Variants in SHANK1 observed in about 807,000 individuals in gnomAD.
The protein encoded by SHANK1 is SH3 and multiple ankyrin repeat domains protein 1.
In SHANK1, 35 loss-of-function variants were observed where a neutral mutation model predicts 165.6. That is an observed-to-expected ratio of 0.21 (90% CI 0.16 to 0.28). The LOEUF (loss-of-function observed/expected upper bound fraction) is 0.28. SHANK1 is among the 10% of genes least tolerant of loss of function. SHANK1 has a pLI of 1.00. For synonymous variants in SHANK1, 1,428 were observed against 1,384.8 expected, an observed-to-expected ratio of 1.03 and a Z score of -0.69; for missense variants, 2,681 against 3,036.4, an observed-to-expected ratio of 0.88 and a Z score of 2.75.
chr19:50,668,093 G>A lies in SHANK1; in HGVS notation c.3867C>T (p.Asp1289=), dbSNP rs1341306743. ...AGGGCTCGGCGGAGAACATGCCCTC[G>A]TCGATGGATTTGGAGTGGCGCAGCC... ...GPRLRHSKSI[D]EGMFSAEPYL... The change falls in exon 23 of 24, where the codon GAC becomes GAT. Residue 1289 remains aspartate, a synonymous_variant. Coordinates refer to ENST00000293441, the MANE Select transcript of SHANK1 (RefSeq NM_016148.5). 2.7e-6 allele frequency: 4 copies of A among 1,480,864 alleles called. No individual in the cohort carries two copies. Among genetic ancestry groups the A allele is most frequent in the Non-Finnish European group, 3.6e-6 (4 of 1,121,104 alleles). 91.7% of individuals were successfully genotyped at this position (1,480,864 alleles called of 1,614,324 possible).
At chr19:50,665,576 A>C in intron 23 of SHANK1, among the ~76,000 whole-genome samples, 1 of 148,258 alleles carries the variant, frequency 6.7e-6, no homozygotes, top group Non-Finnish European at 1.5e-5. Context: ...CAAAAAAAAA[A>C]AAAAAAAAAA....
Position 50,718,184 on chromosome 19 carries a change from G to C in SHANK1, c.-44+1222C>G, listed in dbSNP as rs2089090539. Among the ~76,000 whole-genome samples, 1 of 152,144 alleles carries C rather than the reference G, an allele frequency of 6.6e-6. No homozygotes were observed. Among genetic ancestry groups the C allele is most frequent in the African/African-American group, 2.4e-5 (1 of 41,422 alleles). On this transcript the variant is annotated intron_variant, in intron 1 of 23. Transcript: ENST00000293441. This position sits in a 1 kb window ranked among gnomAD's most constrained non-coding sequence, Gnocchi z 5.1. Reference sequence around the variant, plus strand: ...TGTGGTGGGAGGAGAGTTCCAGGAGGTGTGGGCGAGCGAGCCTCTAACCCA... The same window carrying C: ...TGTGGTGGGAGGAGAGTTCCAGGAGCTGTGGGCGAGCGAGCCTCTAACCCA...
chr19:50,687,920 C>T lies in SHANK1; in HGVS notation c.2308+3G>A, dbSNP rs369256963. 2 of 1,613,940 alleles carry T rather than the reference C, an allele frequency of 1.2e-6. No homozygotes were observed. Among genetic ancestry groups the T allele is most frequent in the East Asian group, 2.2e-5 (1 of 44,868 alleles). The stretch of plus-strand genomic sequence containing the variant: ...GTGGCTGCGAGAGTGGCCGCAGGAG[C>T]ACCTTTCTTGTGCACTGCCTCATCC... On this transcript the variant is annotated splice_donor_region_variant and intron_variant, in intron 18 of 23. Transcript: ENST00000293441.
intron 21 of SHANK1, among the ~76,000 whole-genome samples, chr19:50,675,447 T>C (rs1182642415): frequency 6.6e-6 from 1 of 152,226 alleles, no homozygotes; most frequent in Admixed American, 6.6e-5. Context: ...GGGGTCTGTA[T>C]TACATGCCTC....
In SHANK1 at chr19:50,662,467, A is replaced by G. The variant is rs1599835003; in HGVS notation, c.5984T>C (p.Leu1995Pro). 1 of 1,551,652 alleles carries G rather than the reference A, an allele frequency of 6.4e-7. No homozygotes were observed. The highest frequency in any genetic ancestry group is 8.7e-7 in the Non-Finnish European group (1 of 1,148,548). Reference sequence around the variant, plus strand: ...CAGCGAGGGGCTGGGGGCCCGGCGGAGCAGAGGGGGCCGCATCTCGAACTC... The same window carrying G: ...CAGCGAGGGGCTGGGGGCCCGGCGGGGCAGAGGGGGCCGCATCTCGAACTC... The part of the protein sequence containing the change: ...GVEFEMRPPL[L>P]RRAPSPSLLP... Residue 1995 changes from leucine to proline, a missense_variant, in exon 24 of 24, where the codon CTC becomes CCC. Leu to Pro is a moderately conservative substitution (Grantham distance 98, BLOSUM62 -3). Around this residue, in one of 10 missense-constraint regions of SHANK1, gnomAD observed 1,713 missense variants for 1,630.2 expected, o/e 1.05. Coordinates refer to ENST00000293441, the MANE Select transcript of SHANK1 (RefSeq NM_016148.5). The surrounding 1 kb of genome is among the most constrained non-coding windows in gnomAD (Gnocchi z 7.7).
chr19:50,689,318 G>A, intron 15 of SHANK1, 39 bp from the exon 16 acceptor site: 1 of 1,396,578 alleles, frequency 7.2e-7, no homozygotes, highest in South Asian at 1.2e-5. Context: ...GTGGTGGGGG[G>A]AGTGGAGAAG....
intron 15 of SHANK1, among the ~76,000 whole-genome samples, chr19:50,694,723 C>A (rs1986671127): frequency 7.0e-6 from 1 of 143,560 alleles, no homozygotes; most frequent in African/African-American, 2.6e-5. Context: ...GGGTTGAGAC[C>A]AGGGGCCCGA....
chr19:50,662,300 C>T lies in SHANK1; in HGVS notation c.6151G>A (p.Ala2051Thr), dbSNP rs755559213. ...GGAGGSADPFAPVFVPPHPGI... is the reference protein window; with the variant it reads ...GGAGGSADPFTPVFVPPHPGI... ...GGGTGTGGCGGCACAAAGACTGGGGCGAAGGGGTCAGCCGAGCCTCCTGCC... is the reference window on the plus strand; with the variant it reads ...GGGTGTGGCGGCACAAAGACTGGGGTGAAGGGGTCAGCCGAGCCTCCTGCC... Residue 2051 changes from alanine to threonine, a missense_variant, in exon 24 of 24, where the codon GCC becomes ACC. Physicochemically the swap from Ala to Thr is moderately conservative, Grantham distance 58. Around this residue, in one of 10 missense-constraint regions of SHANK1, gnomAD observed 1,713 missense variants for 1,630.2 expected, o/e 1.05. Transcript: ENST00000293441. The surrounding 1 kb of genome is among the most constrained non-coding windows in gnomAD (Gnocchi z 7.7). The T allele has an allele frequency of 2.5e-5, 41 of 1,610,698 alleles. No individual in the cohort carries two copies. The Admixed American group carries it at 3.3e-4, about 13-fold the overall frequency.
chr19:50,671,294 C>T (rs1599843506), intron 22 of SHANK1, among the ~76,000 whole-genome samples: 1 of 149,916 alleles, frequency 6.7e-6, no homozygotes, highest in East Asian at 2.0e-4. Flanking sequence ...CGCCATTCTC[C>T]TGCCTCAGCC....
At chr19:50,714,091 CCA>C in intron 5 of SHANK1, 89 bp downstream of exon 5, 1 of 1,524,718 alleles carries the variant, frequency 6.6e-7, no homozygotes, top group Non-Finnish European at 9.0e-7. Flanking sequence ...TTGGGAGACA[CCA>C]GTCAGGAATG....
Position 50,667,527 on chromosome 19 carries a change from C to T in SHANK1, c.4433G>A (p.Arg1478Lys), listed in dbSNP as rs1985585557. ...APHPGVSKPW[R>K]SAAPEEPERL... is the part of the protein sequence containing the mutation. ...CTCGGGTTCTTCGGGGGCTGCGGAC[C>T]TCCAGGGCTTGCTTACTCCGGGGTG... The change falls in exon 23 of 24, where the codon AGG becomes AAG. Residue 1478 changes from arginine (R) to lysine (K), a missense_variant. Physicochemically the swap from Arg to Lys is conservative, Grantham distance 26. Transcript: ENST00000293441. The surrounding 1 kb of genome is among the most constrained non-coding windows in gnomAD (Gnocchi z 5.7). 3.3e-6 allele frequency: 5 copies of T among 1,503,684 alleles called. No homozygotes were observed. The South Asian group carries it at 6.6e-5, about 20-fold the overall frequency. The allele number at this position is 1,503,684 out of a possible 1,614,324, so 93.1% of individuals were successfully genotyped here.
chr19:50,701,751 G>A lies in SHANK1; in HGVS notation c.1747+716C>T, dbSNP rs181837451. On this transcript the variant is annotated intron_variant, in intron 12 of 23. Coordinates refer to ENST00000293441, the MANE Select transcript of SHANK1 (RefSeq NM_016148.5). ...TGGCAAAGAATTGTTCCAATGCCTC[G>A]TATTAACGGCCACACCTGCGGCACG... 2.0e-4 allele frequency among the ~76,000 whole-genome samples: 31 copies of A among 152,212 alleles called. No individual in the cohort carries two copies. The East Asian group carries it at 5.8e-3, about 28-fold the overall frequency.
At position 50,690,769 on chromosome 19, in the gene SHANK1, C is replaced by T. The variant is rs563294947; in HGVS notation, c.1965-1490G>A. On this transcript the variant is annotated intron_variant, in intron 15 of 23. Coordinates refer to ENST00000293441, the MANE Select transcript of SHANK1 (RefSeq NM_016148.5). The surrounding 1 kb of genome is among the most constrained non-coding windows in gnomAD (Gnocchi z 4.9). The stretch of plus-strand genomic sequence containing the variant: ...GTTCCAATAATAACTCCCCCTCACT[C>T]GGATCTCAGTGTATTCCCATAACAC... Among the ~76,000 whole-genome samples, 5 of 152,202 alleles carry T rather than the reference C, an allele frequency of 3.3e-5. No homozygotes were observed. The highest frequency in any genetic ancestry group is 4.2e-4 in the South Asian group (2 of 4,814).
chr19:50,685,724 A>AAAGT (rs1555742581), intron 21 of SHANK1, among the ~76,000 whole-genome samples: 4 of 151,626 alleles, frequency 2.6e-5, no homozygotes, highest in Admixed American at 2.0e-4. Context: ...ACTCAGTCTC[A>AAAGT]AAATAAATAA....
Position 50,688,738 on chromosome 19 carries a change from G to A in SHANK1, c.2172+106C>T. On this transcript the variant is annotated intron_variant, in intron 17 of 23. Coordinates refer to ENST00000293441, the MANE Select transcript of SHANK1 (RefSeq NM_016148.5). The surrounding 1 kb of genome is among the most constrained non-coding windows in gnomAD (Gnocchi z 6.7). The stretch of plus-strand genomic sequence containing the variant: ...GGGTGGGCAGGGGGCTGGGAATCCT[G>A]GTGCCAAAGGAGAATAAAACTGGGC... The A allele has an allele frequency of 8.4e-7, 1 of 1,190,918 alleles. No individual in the cohort carries two copies. Among genetic ancestry groups the A allele is most frequent in the African/African-American group, 1.5e-5 (1 of 65,628 alleles). The allele number at this position is 1,190,918 out of a possible 1,614,324, so 73.8% of individuals were successfully genotyped here. A position where few individuals can be genotyped will look rare whatever the true frequency, so the allele number is the denominator to read the frequency against.
chr19:50,668,746 C>G lies in SHANK1; in HGVS notation c.3214G>C (p.Gly1072Arg). 7.8e-7 allele frequency: 1 copy of G among 1,275,658 alleles called. No homozygotes were observed. Among genetic ancestry groups the G allele is most frequent in the Non-Finnish European group, 9.8e-7 (1 of 1,017,668 alleles). The allele number at this position is 1,275,658 out of a possible 1,614,324, so 79.0% of individuals were successfully genotyped here. Residue 1072 changes from glycine (G) to arginine (R), a missense_variant, in exon 23 of 24, where the codon GGG becomes CGG. Physicochemically the swap from Gly to Arg is moderately radical, Grantham distance 125. Coordinates refer to ENST00000293441, the MANE Select transcript of SHANK1 (RefSeq NM_016148.5). ...PSPSHHGSAG[G>R]GGGSSQGPAL... Reference sequence around the variant, plus strand: ...GGGCCCTGGGAGGAGCCGCCGCCCCCGCCCGCGCTGCCGTGGTGCGATGGG... The same window carrying G: ...GGGCCCTGGGAGGAGCCGCCGCCCCGGCCCGCGCTGCCGTGGTGCGATGGG...
At chr19:50,703,924 T>C in intron 10 of SHANK1, 94 bp from the exon 11 acceptor site, 1 of 698,786 alleles carries the variant, frequency 1.4e-6, no homozygotes, top group Non-Finnish European at 2.4e-6. Flanking sequence ...GAGAGAGGCA[T>C]GAGGGAGAAA....
chr19:50,689,008 G>T, intron 16 of SHANK1, 40 bp from the exon 17 acceptor site: 1 of 1,442,530 alleles, frequency 6.9e-7, no homozygotes, highest in African/African-American at 1.4e-5. Context: ...GAGGGGAGGG[G>T]GTGGAGAGGC....
intron 4 of SHANK1, among the ~76,000 whole-genome samples, chr19:50,714,996 T>C (rs2089053583): frequency 6.6e-6 from 1 of 152,036 alleles, no homozygotes; most frequent in Non-Finnish European, 1.5e-5. Flanking sequence ...ATGGAACATT[T>C]AGGGGAGGAA....
Sources: gnomAD v4.1 joint callset for allele counts (sites outside exome capture counted in the v4.1 genomes callset) on GRCh38, gnomAD v4.1.1 for gene constraint, gnomAD v4.1.1 regional missense constraint, Gnocchi (gnomAD v3.1) non-coding constraint, MANE v1.5 for transcripts, NCBI Gene and HGNC (gene_info 2026-07-23, HGNC 2026-07-21) for gene names.